Variants in BICC1 observed in about 807,000 individuals in gnomAD.
The protein encoded by BICC1 is protein bicaudal C homolog 1.
In BICC1, 43 loss-of-function variants were observed where a neutral mutation model predicts 111.0. That is an observed-to-expected ratio of 0.39 (90% CI 0.30 to 0.50). BICC1 has a LOEUF of 0.50. Among genes scored for constraint, BICC1 ranks in the 20% least tolerant of loss-of-function variants. The pLI is 0.88. For synonymous variants in BICC1, 467 were observed against 434.4 expected, an observed-to-expected ratio of 1.07 and a Z score of -0.93; for missense variants, 1,091 against 1,203.2, an observed-to-expected ratio of 0.91 and a Z score of 1.38.
chr10:58,806,172 T>C (rs1436340112), intron 15 of BICC1, among the ~76,000 whole-genome samples: 1 of 152,184 alleles, frequency 6.6e-6, no homozygotes, highest in East Asian at 1.9e-4. Flanking sequence ...AGGGGATTTT[T>C]GAGACCCTAA....
chr10:58,718,783 CGT>C (rs1564572756), intron 3 of BICC1, among the ~76,000 whole-genome samples: 43 of 127,926 alleles, frequency 3.4e-4, no homozygotes, highest in African/African-American at 1.1e-3. Flanking sequence ...CGCGTGCGCG[CGT>C]GCGCACGCCC....
rs1411052192 is a variant in BICC1 at position 58,829,952 on chromosome 10, A to G, written c.*1061A>G. 6.6e-6 allele frequency: 1 copy of G among 152,164 alleles called. No individual in the cohort carries two copies. Among genetic ancestry groups the G allele is most frequent in the Non-Finnish European group, 1.5e-5 (1 of 68,034 alleles). The allele number at this position is 152,164 out of a possible 1,614,324, so 9.4% of individuals were successfully genotyped here. A position where few individuals can be genotyped will look rare whatever the true frequency, so the allele number is the denominator to read the frequency against. On this transcript the variant is annotated 3_prime_UTR_variant, in exon 21 of 21. Transcript: ENST00000373886. ...ATTTAAAAAGACAAATAATCATCTG[A>G]CAAGACAGCACTGTTGCCATTATAA...
chr10:58,614,522 C>G (rs1475248567), intron 1 of BICC1, among the ~76,000 whole-genome samples: 1 of 152,184 alleles, frequency 6.6e-6, no homozygotes, highest in Non-Finnish European at 1.5e-5. Flanking sequence ...GGCTTCTTGC[C>G]TGCTGTTTTC....
At chr10:58,539,780 T>G (rs760444932) in intron 1 of BICC1, among the ~76,000 whole-genome samples, 3 of 151,888 alleles carry the variant, frequency 2.0e-5, no homozygotes, top group Non-Finnish European at 4.4e-5. Context: ...ATAGACCAAT[T>G]GGACCTAACA....
chr10:58,589,460 A>AT (rs1479250840), intron 1 of BICC1, among the ~76,000 whole-genome samples: 1 of 65,434 alleles, frequency 1.5e-5, no homozygotes, highest in African/African-American at 4.0e-5. Flanking sequence ...ATACAGCTTT[A>AT]CTTTTTTTTT....
At chr10:58,778,509 A>T (rs1283528258) in intron 3 of BICC1, among the ~76,000 whole-genome samples, 5 of 152,194 alleles carry the variant, frequency 3.3e-5, no homozygotes, top group Non-Finnish European at 7.3e-5. Context: ...TTTATTAAGA[A>T]AATTATAAGG....
At chr10:58,792,087 C>T (rs961781797) in intron 8 of BICC1, among the ~76,000 whole-genome samples, 5 of 152,030 alleles carry the variant, frequency 3.3e-5, no homozygotes, top group South Asian at 2.1e-4. Flanking sequence ...CCATGGTTCC[C>T]GGCTTAGTAA....
intron 2 of BICC1, among the ~76,000 whole-genome samples, chr10:58,670,330 T>C (rs988271711): frequency 6.6e-6 from 1 of 152,174 alleles, no homozygotes; most frequent in Non-Finnish European, 1.5e-5. Flanking sequence ...ATAAAGTAAA[T>C]GTAGCATTCA....
intron 2 of BICC1, among the ~76,000 whole-genome samples, chr10:58,700,490 T>C (rs746126285): frequency 1.3e-5 from 2 of 152,120 alleles, no homozygotes; most frequent in Non-Finnish European, 2.9e-5. Flanking sequence ...CAGGCATGAA[T>C]GAGAGAAGCA....
intron 2 of BICC1, among the ~76,000 whole-genome samples, chr10:58,700,398 G>T (rs1032973952): frequency 6.6e-6 from 1 of 152,018 alleles, no homozygotes; most frequent in Non-Finnish European, 1.5e-5. Context: ...AGTTGAGAAA[G>T]ATAACATTTT....
At chr10:58,679,494 C>T (rs148429437) in intron 2 of BICC1, among the ~76,000 whole-genome samples, 11 of 151,922 alleles carry the variant, frequency 7.2e-5, no homozygotes, top group African/African-American at 2.2e-4. Context: ...AGGAAGAAAT[C>T]GAATCCCTAA....
At chr10:58,814,250 G>A in intron 18 of BICC1, 1 of 608,190 alleles carries the variant, frequency 1.6e-6, no homozygotes, top group Admixed American at 2.9e-5. Context: ...GTATCTCCTT[G>A]TGAAATTTGT....
rs1844547239 is a variant in BICC1, at chr10:58,831,430, T to C, written c.*2539T>C. 1 of 152,074 alleles carries C rather than the reference T, an allele frequency of 6.6e-6. No individual in the cohort carries two copies. The highest frequency in any genetic ancestry group is 6.6e-5 in the Admixed American group (1 of 15,260). 9.4% of individuals were successfully genotyped at this position (152,074 alleles called of 1,614,324 possible). A position where few individuals can be genotyped will look rare whatever the true frequency, so the allele number is the denominator to read the frequency against. ...TTTATATAACCCCTTTGTATTGCTC[T>C]TGCTATATGAAGCGTGTCTTTTTTT... On this transcript the variant is annotated 3_prime_UTR_variant, in exon 21 of 21. Coordinates refer to ENST00000373886, the MANE Select transcript of BICC1 (RefSeq NM_001080512.3).
chr10:58,648,464 TC>T (rs1838337290), intron 2 of BICC1: 1 of 960,246 alleles, frequency 1.0e-6, no homozygotes, highest in Admixed American at 6.2e-5. Flanking sequence ...AGAGTTATGT[TC>T]TCTGGCATGT....
chr10:58,631,352 TG>T (rs1385448857), intron 2 of BICC1, among the ~76,000 whole-genome samples: 1 of 152,200 alleles, frequency 6.6e-6, no homozygotes, highest in Admixed American at 6.5e-5. Context: ...GTTTAACAGT[TG>T]CGGCTTGTCC....
At chr10:58,794,635 G>T (rs1326294000) in intron 9 of BICC1, among the ~76,000 whole-genome samples, 1 of 152,062 alleles carries the variant, frequency 6.6e-6, no homozygotes, top group Non-Finnish European at 1.5e-5. Context: ...GCCCAGGCTG[G>T]TCTTGAACTC....
chr10:58,564,667 A>T (rs193255683), intron 1 of BICC1, among the ~76,000 whole-genome samples: 1 of 152,294 alleles, frequency 6.6e-6, no homozygotes, highest in Admixed American at 6.5e-5. Context: ...CTGGCCTTTC[A>T]ATTACAGTCC....
intron 14 of BICC1, 133 bp from the exon 15 acceptor site, chr10:58,802,944 G>C: frequency 1.2e-6 from 1 of 863,184 alleles, no homozygotes; most frequent in Non-Finnish European, 1.6e-6. Flanking sequence ...TAGCATTGTT[G>C]TGAGGATTAA....
intron 1 of BICC1, among the ~76,000 whole-genome samples, chr10:58,557,293 A>G (rs1338221689): frequency 6.6e-6 from 1 of 151,180 alleles, no homozygotes; most frequent in Non-Finnish European, 1.5e-5. Flanking sequence ...AGCTGTTTTA[A>G]AGATTGTCTT....
Sources: allele counts gnomAD v4.1 joint callset (sites outside exome capture counted in the v4.1 genomes callset), GRCh38; gene constraint gnomAD v4.1.1; transcripts MANE v1.5; gene names NCBI Gene and HGNC (gene_info 2026-07-23, HGNC 2026-07-21).